The following BAIAP2L1 variants were observed in gnomAD, a reference collection of about 807,000 sequenced individuals.
BAIAP2L1 encodes the protein BAR/IMD domain-containing adapter protein 2-like 1.
A neutral mutation model predicts 66.3 loss-of-function variants in BAIAP2L1; 35 were observed. The observed-to-expected ratio is 0.53, with a 90% CI of 0.40 to 0.70. The LOEUF (loss-of-function observed/expected upper bound fraction) is 0.70. BAIAP2L1 is among the 30% of genes least tolerant of loss of function. The pLI is 0.00. For synonymous variants in BAIAP2L1, 269 were observed against 248.7 expected (o/e 1.08, Z -0.77); for missense variants, 622 against 656.9 (o/e 0.95, Z 0.58).
intron 3 of BAIAP2L1, among the ~76,000 whole-genome samples, chr7:98,346,994 A>AAACAAC (rs71515213): frequency 2.6e-5 from 4 of 151,234 alleles, no homozygotes; most frequent in Admixed American, 1.3e-4. Flanking sequence ...GATGCCAGCA[A>AAACAAC]AACAACAACA....
chr7:98,383,637 C>G (rs1285185186), intron 1 of BAIAP2L1, among the ~76,000 whole-genome samples: 2 of 152,084 alleles, frequency 1.3e-5, no homozygotes, highest in Non-Finnish European at 2.9e-5. Context: ...GAAAATGTGC[C>G]TCTTTTCTGG....
intron 3 of BAIAP2L1, among the ~76,000 whole-genome samples, chr7:98,327,688 AG>A (rs1181056592): frequency 6.6e-6 from 1 of 152,100 alleles, no homozygotes; most frequent in Non-Finnish European, 1.5e-5. Flanking sequence ...AAAAAAGAAA[AG>A]TGAAGATTTT....
At position 98,398,841 on chromosome 7, in the gene BAIAP2L1, T is replaced by G. The variant is rs567901187; in HGVS notation, c.51+1961A>C. ...AGAACACCTGACTGCTGGTCTCAAG[T>G]TGCAATCGCAGCTCAGACTGGGAAG... is the stretch of plus-strand genomic sequence containing the variant. On this transcript the variant is annotated intron_variant, in intron 1 of 13. Transcript: ENST00000005260. 2.6e-5 allele frequency among the ~76,000 whole-genome samples: 4 copies of G among 152,248 alleles called. No homozygotes were observed. In the South Asian group the frequency reaches 8.3e-4, roughly 32 times the overall value.
Position 98,292,908 on chromosome 7 carries a change from A to G in BAIAP2L1, c.*613T>C. ...TCGTCGAGTGCTACGTGTGGCTGTG[A>G]TAAGGGCAGGCAAAGCGTCTTAGCA... On this transcript the variant is annotated 3_prime_UTR_variant, in exon 14 of 14. Coordinates refer to ENST00000005260, the MANE Select transcript of BAIAP2L1 (RefSeq NM_018842.5). The G allele has an allele frequency of 1.4e-6, 2 of 1,411,032 alleles. No individual in the cohort carries two copies. The highest frequency in any genetic ancestry group is 1.8e-6 in the Non-Finnish European group (2 of 1,084,992). The allele number at this position is 1,411,032 out of a possible 1,614,324, so 87.4% of individuals were successfully genotyped here.
intron 3 of BAIAP2L1, among the ~76,000 whole-genome samples, chr7:98,346,350 G>C (rs1801873456): frequency 6.6e-6 from 1 of 152,168 alleles, no homozygotes; most frequent in African/African-American, 2.4e-5. Context: ...ATACAAAGTA[G>C]TGCTACAGAA....
intron 2 of BAIAP2L1, chr7:98,355,556 C>CA (rs60113566): frequency 0.023 from 2,736 of 116,472 alleles, 86 homozygotes; most frequent in East Asian, 0.11. Context: ...CCCGCCTCTA[C>CA]AAAAAAAAAA....
intron 3 of BAIAP2L1, among the ~76,000 whole-genome samples, chr7:98,330,572 G>T (rs780699554): frequency 1.3e-5 from 2 of 152,116 alleles, no homozygotes. Context: ...CAAAAGAATC[G>T]CTTGAACCCT....
intron 5 of BAIAP2L1, among the ~76,000 whole-genome samples, chr7:98,319,338 G>A (rs952223919): frequency 1.1e-4 from 17 of 152,156 alleles, no homozygotes; most frequent in African/African-American, 3.1e-4. Context: ...ATGCAGGAGC[G>A]GTCTCTGCAG....
intron 1 of BAIAP2L1, among the ~76,000 whole-genome samples, chr7:98,389,242 T>C (rs1420155865): frequency 1.3e-5 from 2 of 152,098 alleles, no homozygotes; most frequent in African/African-American, 4.8e-5. Flanking sequence ...TGGATTAGGG[T>C]AGCTGGTGGT....
intron 7 of BAIAP2L1, among the ~76,000 whole-genome samples, chr7:98,313,529 A>G (rs1800956754): frequency 6.6e-6 from 1 of 152,110 alleles, no homozygotes; most frequent in Non-Finnish European, 1.5e-5. Context: ...GAAGATTCTA[A>G]AGTGAACTCT....
chr7:98,386,273 T>C, intron 1 of BAIAP2L1: 2 of 1,595,672 alleles, frequency 1.3e-6, no homozygotes, highest in East Asian at 4.5e-5. Context: ...TTGTCACGGG[T>C]AAGATCCATG....
intron 3 of BAIAP2L1, among the ~76,000 whole-genome samples, chr7:98,332,970 G>A (rs547087081): frequency 6.6e-6 from 1 of 151,908 alleles, no homozygotes; most frequent in East Asian, 1.9e-4. Flanking sequence ...CCTCATCCTC[G>A]CCTGCCCCTC....
At chr7:98,304,564 T>C (rs1398713278) in intron 11 of BAIAP2L1, among the ~76,000 whole-genome samples, 188 bp from the exon 12 acceptor site, 1 of 152,132 alleles carries the variant, frequency 6.6e-6, no homozygotes, top group African/African-American at 2.4e-5. Context: ...TTAAATTTTT[T>C]TGCGACAGAG....
chr7:98,306,287 A>C, intron 11 of BAIAP2L1, 152 bp downstream of exon 11: 2 of 924,572 alleles, frequency 2.2e-6, no homozygotes, highest in Non-Finnish European at 3.3e-6. Context: ...ATCACGGCAG[A>C]CAGCACTGTG....
At chr7:98,320,157 C>A (rs757190308) in intron 4 of BAIAP2L1, 28 bp from the exon 5 acceptor site, 37 of 1,598,216 alleles carry the variant, frequency 2.3e-5, no homozygotes, top group Non-Finnish European at 2.8e-5. Flanking sequence ...TAAATTCATA[C>A]CAGGTTTGAG....
intron 3 of BAIAP2L1, among the ~76,000 whole-genome samples, chr7:98,327,046 C>T (rs1162824894): frequency 1.3e-5 from 2 of 152,144 alleles, no homozygotes; most frequent in African/African-American, 4.8e-5. Flanking sequence ...TGAATCTAAT[C>T]AGGGAGATCT....
rs540076335 is a variant in BAIAP2L1 at position 98,291,714 on chromosome 7, G to A, written c.*1807C>T. The A allele has an allele frequency of 3.7e-5, 8 of 217,754 alleles. No individual in the cohort carries two copies. The highest frequency in any genetic ancestry group is 3.6e-4 in the East Asian group (2 of 5,586). 13.5% of individuals were successfully genotyped at this position (217,754 alleles called of 1,614,324 possible). A position where few individuals can be genotyped will look rare whatever the true frequency, so the allele number is the denominator to read the frequency against. On this transcript the variant is annotated 3_prime_UTR_variant, in exon 14 of 14. Transcript: ENST00000005260. The stretch of plus-strand genomic sequence containing the variant: ...TTGATATTTACAGAGCAGGCACCTC[G>A]GTGCCAAGGACCAGGCCATGCCCGT...
At chr7:98,321,750 G>T (rs868127146) in intron 3 of BAIAP2L1, among the ~76,000 whole-genome samples, 5 of 152,118 alleles carry the variant, frequency 3.3e-5, no homozygotes, top group Non-Finnish European at 7.4e-5. Flanking sequence ...AAACAATGCC[G>T]ACCAACAGCA....
At position 98,293,512 on chromosome 7, in the gene BAIAP2L1, G is replaced by C. The variant is rs998413293; in HGVS notation, c.*9C>G. ...CCGGAGAGGCCCGGGAGAGTCCTTGGCTGTCCTCTCATCGAATGATGGGTG... is the reference window on the plus strand; with the variant it reads ...CCGGAGAGGCCCGGGAGAGTCCTTGCCTGTCCTCTCATCGAATGATGGGTG... On this transcript the variant is annotated 3_prime_UTR_variant, in exon 14 of 14. Transcript: ENST00000005260. The C allele has an allele frequency of 6.2e-7, 1 of 1,611,828 alleles. No homozygotes were observed. The highest frequency in any genetic ancestry group is 8.5e-7 in the Non-Finnish European group (1 of 1,178,678).
Sources: allele counts gnomAD v4.1 joint callset (sites outside exome capture counted in the v4.1 genomes callset), GRCh38; gene constraint gnomAD v4.1.1; transcripts MANE v1.5; gene names NCBI Gene and HGNC (gene_info 2026-07-23, HGNC 2026-07-21).